Variants in MEGF9 observed in about 807,000 individuals in gnomAD.
The protein encoded by MEGF9 is multiple EGF like domains 9.
Under a neutral mutation model 46.8 loss-of-function variants are expected in MEGF9, and 6 were observed. That is an observed-to-expected ratio of 0.13 (90% CI 0.07 to 0.25). The LOEUF is 0.25. Ranked by LOEUF, MEGF9 falls within the 10% of genes least tolerant of loss-of-function variation. MEGF9 has a pLI of 1.00. For missense variants in MEGF9, 683 were observed against 792.4 expected, an observed-to-expected ratio of 0.86 and a Z score of 1.66; for synonymous variants, 302 against 330.7, an observed-to-expected ratio of 0.91 and a Z score of 0.94.
intron 1 of MEGF9, among the ~76,000 whole-genome samples, chr9:120,686,066 G>A (rs1366518553): frequency 1.3e-5 from 2 of 151,764 alleles, no homozygotes; most frequent in Non-Finnish European, 2.9e-5. Flanking sequence ...CTTGGGGGAA[G>A]GGGAAAAGGG....
At chr9:120,621,025 CTTGT>C (rs901597237) in intron 3 of MEGF9, among the ~76,000 whole-genome samples, 5 of 151,798 alleles carry the variant, frequency 3.3e-5, no homozygotes, top group Non-Finnish European at 5.9e-5. Flanking sequence ...ATTTTTTTTG[CTTGT>C]TTGTTTGGGA....
intron 2 of MEGF9, among the ~76,000 whole-genome samples, chr9:120,648,227 C>T (rs916357911): frequency 4.0e-5 from 6 of 151,872 alleles, no homozygotes; most frequent in African/African-American, 1.4e-4. Context: ...TTACAAGGCA[C>T]ATCAGGGCCT....
At chr9:120,633,570 T>C (rs2043559666) in intron 2 of MEGF9, among the ~76,000 whole-genome samples, 1 of 152,090 alleles carries the variant, frequency 6.6e-6, no homozygotes, top group Non-Finnish European at 1.5e-5. Context: ...ATTTCTTGTA[T>C]TGCTTTTTAG....
chr9:120,618,598 C>A (rs905099131), intron 3 of MEGF9, among the ~76,000 whole-genome samples: 2 of 152,084 alleles, frequency 1.3e-5, no homozygotes, highest in Non-Finnish European at 2.9e-5. Flanking sequence ...CCTAGGAAAT[C>A]TCTCATTAAG....
chr9:120,619,924 T>G (rs2043490657), intron 3 of MEGF9, among the ~76,000 whole-genome samples: 1 of 152,206 alleles, frequency 6.6e-6, no homozygotes, highest in Non-Finnish European at 1.5e-5. Context: ...ACACAGTAAG[T>G]GGCCACCAGA....
At chr9:120,653,346 C>T (rs1164696555) in intron 2 of MEGF9, among the ~76,000 whole-genome samples, 1 of 151,740 alleles carries the variant, frequency 6.6e-6, no homozygotes. Context: ...AATTGCCTGA[C>T]ATTCTGAAAT....
At chr9:120,613,776 A>T (rs1188979427) in intron 3 of MEGF9, among the ~76,000 whole-genome samples, 3 of 152,162 alleles carry the variant, frequency 2.0e-5, no homozygotes, top group Non-Finnish European at 4.4e-5. Flanking sequence ...CTATTATGGA[A>T]ATTAGTGAGT....
intron 1 of MEGF9, among the ~76,000 whole-genome samples, chr9:120,664,604 T>C (rs2043716785): frequency 6.6e-6 from 1 of 152,192 alleles, no homozygotes; most frequent in Non-Finnish European, 1.5e-5. Flanking sequence ...TAAGCATAGA[T>C]ACTAGAAGAC....
chr9:120,634,143 G>A (rs577110714), intron 2 of MEGF9, among the ~76,000 whole-genome samples: 1 of 152,198 alleles, frequency 6.6e-6, no homozygotes, highest in Admixed American at 6.5e-5. Flanking sequence ...TTTCCTTGTT[G>A]ATTTTCTGTC....
Position 120,659,377 on chromosome 9 carries a change from T to C in MEGF9, c.800A>G (p.Asn267Ser), listed in dbSNP as rs2043691511. 4 of 1,613,566 alleles carry C rather than the reference T, an allele frequency of 2.5e-6. No individual in the cohort carries two copies. The highest frequency in any genetic ancestry group is 3.4e-6 in the Non-Finnish European group (4 of 1,179,638). ...SPHGALSIPC[N>S]SSGKCQCKVG... ...AGTTCCACCCTCTGTTGCTTACCTG[T>C]TGCACGGTATGCTGAGAGCTCCATG... Residue 267 changes from asparagine (N) to serine (S), a missense_variant, in exon 2 of 6, where the codon AAC becomes AGC. Physicochemically the swap from Asn to Ser is conservative, Grantham distance 46 (BLOSUM62 1). Transcript: ENST00000373930.
intron 1 of MEGF9, among the ~76,000 whole-genome samples, chr9:120,699,351 G>C (rs116216590): frequency 2.9e-4 from 44 of 151,934 alleles, no homozygotes; most frequent in Non-Finnish European, 5.2e-4. Flanking sequence ...AGCTTTATGG[G>C]ACAGCTTTTT....
intron 1 of MEGF9, among the ~76,000 whole-genome samples, chr9:120,680,976 GC>G (rs1355701940): frequency 6.6e-6 from 1 of 151,910 alleles, no homozygotes; most frequent in Non-Finnish European, 1.5e-5. Context: ...AAGAGCCTAG[GC>G]CTAGGCTCCC....
chr9:120,615,480 G>T (rs527651361), intron 3 of MEGF9, among the ~76,000 whole-genome samples: 24 of 151,656 alleles, frequency 1.6e-4, no homozygotes, highest in African/African-American at 5.6e-4. Flanking sequence ...TTTTCCAGAA[G>T]AATTTTTTAT....
intron 2 of MEGF9, among the ~76,000 whole-genome samples, chr9:120,638,054 G>A (rs1564417784): frequency 6.6e-6 from 1 of 151,890 alleles, no homozygotes; most frequent in Non-Finnish European, 1.5e-5. Context: ...GTGCAGTGAT[G>A]CGATCACAGC....
intron 1 of MEGF9, among the ~76,000 whole-genome samples, chr9:120,664,739 C>G (rs915391993): frequency 1.3e-5 from 2 of 152,108 alleles, no homozygotes; most frequent in Non-Finnish European, 2.9e-5. Flanking sequence ...GTGGCTATAA[C>G]TAATACAGAG....
chr9:120,651,655 T>A (rs1354779669), intron 2 of MEGF9, among the ~76,000 whole-genome samples: 1 of 115,012 alleles, frequency 8.7e-6, no homozygotes, highest in East Asian at 2.3e-4. Context: ...TATAATAGGA[T>A]TTTTTTTTTT....
At chr9:120,691,321 G>C (rs2043847008) in intron 1 of MEGF9, 1 of 329,364 alleles carries the variant, frequency 3.0e-6, no homozygotes, top group Admixed American at 4.7e-5. Flanking sequence ...AGGTGGGTGA[G>C]AGATATGAGA....
intron 1 of MEGF9, among the ~76,000 whole-genome samples, chr9:120,681,020 C>T (rs71509534): frequency 0.028 from 4,273 of 152,276 alleles, 103 homozygotes; most frequent in Non-Finnish European, 0.039. Context: ...CCATTTATTG[C>T]TCTATCCTAC....
intron 1 of MEGF9, among the ~76,000 whole-genome samples, chr9:120,696,813 TGA>T (rs2043879151): frequency 1.3e-5 from 2 of 152,296 alleles, no homozygotes; most frequent in South Asian, 4.1e-4. Flanking sequence ...GCAAATATGA[TGA>T]GGTTTTACTT....
Sources: gnomAD v4.1 joint callset for allele counts (sites outside exome capture counted in the v4.1 genomes callset) on GRCh38, gnomAD v4.1.1 for gene constraint, MANE v1.5 for transcripts, NCBI Gene and HGNC (gene_info 2026-07-23, HGNC 2026-07-21) for gene names.